Variants in NT5C1B observed in about 807,000 individuals in gnomAD.
NT5C1B encodes cytosolic 5'-nucleotidase 1B.
A neutral mutation model predicts 57.8 loss-of-function variants in NT5C1B; 44 were observed. The observed-to-expected ratio is 0.76, with a 90% confidence interval of 0.60 to 0.98. The LOEUF (loss-of-function observed/expected upper bound fraction) is 0.98, where lower values mean the gene tolerates loss of function less well. NT5C1B is among the 50% of genes least tolerant of loss of function. NT5C1B has a pLI of 0.00. For missense variants in NT5C1B, 742 were observed against 719.5 expected, an observed-to-expected ratio of 1.03 and a Z score of -0.36; for synonymous variants, 284 against 282.6, an observed-to-expected ratio of 1.00 and a Z score of -0.05.
chr2:18,577,684 T>C (rs139307645), intron 6 of NT5C1B, among the ~76,000 whole-genome samples: 172 of 145,808 alleles, frequency 1.2e-3, no homozygotes, highest in African/African-American at 4.0e-3. Flanking sequence ...CAACATAACA[T>C]CACACCTAGA....
chr2:18,564,231 A>G, intron 8 of NT5C1B, 112 bp from the exon 9 acceptor site: 1 of 1,213,792 alleles, frequency 8.2e-7, no homozygotes, highest in Non-Finnish European at 1.1e-6. Context: ...ATACAGCATG[A>G]CATGCAGTGT....
chr2:18,581,322 C>T lies in NT5C1B; in HGVS notation c.1021+1546G>A, dbSNP rs186776054. ...AAGGAATATTCTGAAATTCTGATAA[C>T]GATTTCTACAGAAAGGTCTCAGTTT... On this transcript the variant is annotated intron_variant, in intron 6 of 8. Coordinates refer to ENST00000304081, the Ensembl canonical transcript of NT5C1B. 4.6e-3 allele frequency among the ~76,000 whole-genome samples: 693 copies of T among 152,064 alleles called. 1 individual carries two copies. Among genetic ancestry groups the T allele is most frequent in the Admixed American group, 7.9e-3 (120 of 15,278 alleles).
chr2:18,586,973 G>A (rs761570036), intron 2 of NT5C1B: 16 of 1,613,896 alleles, frequency 9.9e-6, no homozygotes, highest in Middle Eastern at 1.6e-4. Flanking sequence ...CTCCAGAATC[G>A]GTAGTGTGAT....
At chr2:18,583,889 C>T in intron 5 of NT5C1B, 199 bp downstream of exon 5, 1 of 838,968 alleles carries the variant, frequency 1.2e-6, no homozygotes, top group Non-Finnish European at 2.0e-6. Flanking sequence ...AAATCTAGGG[C>T]TGTGGGCTGG....
At chr2:18,576,079 C>A in intron 8 of NT5C1B, 105 bp downstream of exon 8, 2 of 1,235,850 alleles carry the variant, frequency 1.6e-6, no homozygotes, top group Non-Finnish European at 2.1e-6. Context: ...AAGGAGTGCC[C>A]TGCCTAGAAT....
intron 8 of NT5C1B, among the ~76,000 whole-genome samples, chr2:18,574,077 G>C (rs1665448519): frequency 6.6e-6 from 1 of 152,068 alleles, no homozygotes; most frequent in Non-Finnish European, 1.5e-5. Flanking sequence ...CATCTGATAA[G>C]GGTTAATTTC....
chr2:18,571,746 ATATATATATATATATATATG>A (rs1665200095), intron 8 of NT5C1B, among the ~76,000 whole-genome samples: 1 of 85,160 alleles, frequency 1.2e-5, no homozygotes, highest in Admixed American at 1.0e-4. Context: ...ATATATATAT[ATATATATATATATATATATG>A]TTAATTTTAA....
chr2:18,576,030 TGAAA>T (rs1165896645), intron 8 of NT5C1B, among the ~76,000 whole-genome samples, 150 bp downstream of exon 8: 2 of 152,106 alleles, frequency 1.3e-5, no homozygotes, highest in South Asian at 2.1e-4. Flanking sequence ...GAGCCATTCA[TGAAA>T]GAAAGAGAGA....
chr2:18,583,074 C>G, intron 5 of NT5C1B, 77 bp from the exon 6 acceptor site: 1 of 1,517,044 alleles, frequency 6.6e-7, no homozygotes, highest in Non-Finnish European at 8.8e-7. Flanking sequence ...GGAAGCATCT[C>G]ATCAGAGTCA....
chr2:18,582,749 A>T, intron 6 of NT5C1B, 119 bp downstream of exon 6: 1 of 1,421,024 alleles, frequency 7.0e-7, no homozygotes, highest in South Asian at 1.5e-5. Context: ...TTCCTGGCGC[A>T]GAAGGGGGTG....
chr2:18,587,587 C>A (rs139661780), exon 2 of NT5C1B: 3 of 1,610,664 alleles, frequency 1.9e-6, no homozygotes, highest in Non-Finnish European at 2.5e-6. Flanking sequence ...TCATTCCAGG[C>A]TCATTCTTGA....
intron 3 of NT5C1B, chr2:18,585,298 G>C: frequency 1.6e-6 from 1 of 615,212 alleles, no homozygotes; most frequent in Non-Finnish European, 3.0e-6. Context: ...GCAAAGTTCT[G>C]TCCCCTGCTT....
intron 6 of NT5C1B, among the ~76,000 whole-genome samples, chr2:18,580,966 T>C (rs955998928): frequency 2.0e-5 from 3 of 152,126 alleles, no homozygotes; most frequent in African/African-American, 7.2e-5. Context: ...CGGATGAGGA[T>C]TGAAAAACTA....
In NT5C1B at chr2:18,585,569, G is replaced by A. The variant is rs148509886; in HGVS notation, c.259-591C>T. On this transcript the variant is annotated intron_variant, in intron 3 of 8. Transcript: ENST00000304081. Reference sequence around the variant, plus strand: ...CAGGGCCTTCAGAGCTCCTTGTGCCGGTGAAGCACAGTTACATAGAATCAT... The same window carrying A: ...CAGGGCCTTCAGAGCTCCTTGTGCCAGTGAAGCACAGTTACATAGAATCAT... Among the ~76,000 whole-genome samples the A allele has an allele frequency of 9.2e-5, 14 of 152,234 alleles. No individual in the cohort carries two copies. The East Asian group carries it at 9.7e-4, about 11-fold the overall frequency.
chr2:18,577,119 G>A (rs1200175731), intron 6 of NT5C1B, among the ~76,000 whole-genome samples: 2 of 151,978 alleles, frequency 1.3e-5, no homozygotes, highest in Non-Finnish European at 2.9e-5. Context: ...GTTGTATTTG[G>A]TACATTACAG....
At chr2:18,570,510 T>C (rs376094974) in intron 8 of NT5C1B, among the ~76,000 whole-genome samples, 1 of 151,586 alleles carries the variant, frequency 6.6e-6, no homozygotes, top group South Asian at 2.1e-4. Flanking sequence ...CCTTGAAAAA[T>C]GCAAGCTCAT....
At position 18,587,608 on chromosome 2, in the gene NT5C1B, A is replaced by G. The variant is rs1291820095; in HGVS notation, c.31-16T>C. On this transcript the variant is annotated splice_polypyrimidine_tract_variant and intron_variant, in intron 1 of 8. Coordinates refer to ENST00000304081, the Ensembl canonical transcript of NT5C1B. Reference sequence around the variant, plus strand: ...CAGGCTCATTCTTGACAAGGAAACAAAGAATGTTTATTAATTTTTAATCTC... The same window carrying G: ...CAGGCTCATTCTTGACAAGGAAACAGAGAATGTTTATTAATTTTTAATCTC... The G allele has an allele frequency of 1.2e-6, 2 of 1,603,650 alleles. No homozygotes were observed. The highest frequency in any genetic ancestry group is 1.3e-5 in the African/African-American group (1 of 74,174).
chr2:18,588,493 C>A (rs1666926726), intron 1 of NT5C1B, among the ~76,000 whole-genome samples: 1 of 152,174 alleles, frequency 6.6e-6, no homozygotes, highest in Non-Finnish European at 1.5e-5. Flanking sequence ...AATGGCATAG[C>A]TGTATGACTC....
chr2:18,583,946 A>G (rs1279128319), intron 5 of NT5C1B, 142 bp downstream of exon 5: 1 of 1,456,826 alleles, frequency 6.9e-7, no homozygotes, highest in Non-Finnish European at 9.5e-7. Context: ...TCATAAACTG[A>G]CCTGGGTCAG....
Sources: allele counts gnomAD v4.1 joint callset (sites outside exome capture counted in the v4.1 genomes callset), GRCh38; gene constraint gnomAD v4.1.1; transcripts MANE v1.5; gene names NCBI Gene and HGNC (gene_info 2026-07-23, HGNC 2026-07-21).